CLECL1: variants seen among roughly 807,000 people sequenced by gnomAD.
The protein encoded by CLECL1 is C-type lectin-like domain family 1.
At chr12:9,711,321 G>T (rs369355919), downstream of CLECL1, among the ~76,000 whole-genome samples, 35 of 152,270 alleles carry the variant, frequency 2.3e-4, no homozygotes, top group African/African-American at 8.4e-4. Flanking sequence ...CTTATTCTGG[G>T]TTCCAGAGAA....
At chr12:9,719,323 G>A (rs1157898032), downstream of CLECL1, among the ~76,000 whole-genome samples, 1 of 152,042 alleles carries the variant, frequency 6.6e-6, no homozygotes, top group East Asian at 1.9e-4. Context: ...TCAGGAGATC[G>A]AGACCATCCT....
chr12:9,702,654 A>G, the CLECL1 span, among the ~76,000 whole-genome samples: 1 of 152,232 alleles, frequency 6.6e-6, no homozygotes, highest in Non-Finnish European at 1.5e-5. Context: ...AAGGTACATT[A>G]AAATATAGAG....
downstream of CLECL1, chr12:9,718,880 T>C (rs1042467989): frequency 4.3e-5 from 26 of 602,496 alleles, no homozygotes; most frequent in African/African-American, 4.5e-4. Flanking sequence ...TTGCTTTAGC[T>C]ACCTAGTCTG....
chr12:9,705,024 A>C, the CLECL1 span, among the ~76,000 whole-genome samples: 1 of 152,184 alleles, frequency 6.6e-6, no homozygotes, highest in Non-Finnish European at 1.5e-5. Context: ...TTACACTCCC[A>C]CCAACAACGT....
intron 1 of CLECL1, among the ~76,000 whole-genome samples, chr12:9,731,814 A>G (rs4763840): frequency 0.37 from 56,345 of 152,098 alleles, 10,899 homozygotes; most frequent in East Asian, 0.58. Flanking sequence ...CAAACCATAG[A>G]CAGAAAGGCA....
chr12:9,706,714 C>T, the CLECL1 span, among the ~76,000 whole-genome samples: 1 of 151,964 alleles, frequency 6.6e-6, no homozygotes, highest in Admixed American at 6.5e-5. Flanking sequence ...CCGACTTGAT[C>T]GTGGTGAATA....
the CLECL1 span, among the ~76,000 whole-genome samples, chr12:9,702,326 G>A: frequency 5.9e-5 from 9 of 152,190 alleles, no homozygotes. Flanking sequence ...CCATCAAGCT[G>A]TCCCTCTGAG....
downstream of CLECL1, among the ~76,000 whole-genome samples, chr12:9,713,912 G>A (rs1380514340): frequency 2.6e-5 from 4 of 152,196 alleles, no homozygotes; most frequent in Admixed American, 6.5e-5. Context: ...ACGGGTACAT[G>A]TGCCAGTTTT....
In CLECL1 at chr12:9,728,498, G is replaced by T. The variant is rs562168838; in HGVS notation, n.169-840C>A. Among the ~76,000 whole-genome samples the T allele has an allele frequency of 3.8e-4, 57 of 151,886 alleles. No homozygotes were observed. The South Asian group carries it at 6.2e-3, about 17-fold the overall frequency. On this transcript the variant is annotated intron_variant and non_coding_transcript_variant, in intron 2 of 3. Coordinates refer to ENST00000621400, the Ensembl canonical transcript of CLECL1. Reference sequence around the variant, plus strand: ...GTGATGTAGCTGGGATTTGAAAACAGGTCCTGGGTCTCTAGAGTATCCGTG... The same window carrying T: ...GTGATGTAGCTGGGATTTGAAAACATGTCCTGGGTCTCTAGAGTATCCGTG...
At chr12:9,721,702 ATGCTTTTTAGTTACTCCC>A (rs1866315051), downstream of CLECL1, among the ~76,000 whole-genome samples, 1 of 152,164 alleles carries the variant, frequency 6.6e-6, no homozygotes, top group East Asian at 1.9e-4. Flanking sequence ...CTCTTTTTAG[ATGCTTTTTAGTTACTCCC>A]TGCTTCCTCT....
At chr12:9,727,084 CAAAT>C (rs1866389092) in intron 3 of CLECL1, among the ~76,000 whole-genome samples, 1 of 151,530 alleles carries the variant, frequency 6.6e-6, no homozygotes, top group Admixed American at 6.6e-5. Context: ...AAATTAAAAT[CAAAT>C]AACCTAAGAA....
intron 2 of CLECL1, among the ~76,000 whole-genome samples, chr12:9,728,074 A>G (rs1181525931): frequency 6.6e-6 from 1 of 151,782 alleles, no homozygotes; most frequent in East Asian, 1.9e-4. Context: ...GGTTTTGGTT[A>G]ATGATTTGTT....
chr12:9,711,644 T>TA (rs201231716), downstream of CLECL1, among the ~76,000 whole-genome samples: 158 of 150,912 alleles, frequency 1.0e-3, no homozygotes, highest in African/African-American at 3.4e-3. Flanking sequence ...TTATTATTAT[T>TA]TTTTTTTTTT....
downstream of CLECL1, among the ~76,000 whole-genome samples, chr12:9,711,631 A>C (rs1254842985): frequency 6.6e-6 from 1 of 151,706 alleles, no homozygotes; most frequent in Non-Finnish European, 1.5e-5. Context: ...TCCCCACCCC[A>C]GATTATTATT....
chr12:9,705,965 A>G, the CLECL1 span, among the ~76,000 whole-genome samples: 1 of 152,130 alleles, frequency 6.6e-6, no homozygotes, highest in African/African-American at 2.4e-5. Flanking sequence ...TGCATTGGGA[A>G]GTACGGCCAT....
the CLECL1 span, among the ~76,000 whole-genome samples, chr12:9,709,672 C>T: frequency 5.3e-5 from 8 of 152,064 alleles, no homozygotes; most frequent in East Asian, 1.9e-4. Context: ...GGGAAGGGGA[C>T]GAATATTCTC....
downstream of CLECL1, chr12:9,722,590 A>G (rs766270674): frequency 3.2e-6 from 5 of 1,541,020 alleles, no homozygotes; most frequent in Non-Finnish European, 3.5e-6. Flanking sequence ...TTGTAGCACA[A>G]AAAATTCACT....
the CLECL1 span, among the ~76,000 whole-genome samples, chr12:9,703,776 A>T: frequency 6.6e-6 from 1 of 152,152 alleles, no homozygotes; most frequent in Non-Finnish European, 1.5e-5. Flanking sequence ...TCTTTGTCTT[A>T]AAACTGGAAT....
chr12:9,732,901 A>G lies in CLECL1; in HGVS notation n.82+48T>C, dbSNP rs765114525. The G allele has an allele frequency of 1.5e-5, 21 of 1,429,042 alleles. No homozygotes were observed. In the South Asian group the frequency reaches 2.6e-4, roughly 18 times the overall value. 88.5% of individuals were successfully genotyped at this position (1,429,042 alleles called of 1,614,324 possible). A position where few individuals can be genotyped will look rare whatever the true frequency, so the allele number is the denominator to read the frequency against. Reference sequence around the variant, plus strand: ...GATACATAAGAAAGAAATAAAGGAGATAACTAGTAAAATCTTAATTCTCAA... The same window carrying G: ...GATACATAAGAAAGAAATAAAGGAGGTAACTAGTAAAATCTTAATTCTCAA... On this transcript the variant is annotated intron_variant and non_coding_transcript_variant, in intron 1 of 3. Coordinates refer to ENST00000621400, the Ensembl canonical transcript of CLECL1.
Sources: gnomAD v4.1 joint callset for allele counts (sites outside exome capture counted in the v4.1 genomes callset) on GRCh38, gnomAD v4.1.1 for gene constraint, MANE v1.5 for transcripts, NCBI Gene and HGNC (gene_info 2026-07-23, HGNC 2026-07-21) for gene names.